TRPM3: variants seen among roughly 807,000 people sequenced by gnomAD.
TRPM3 encodes long transient receptor potential channel 3.
TRPM3 carries 77 observed loss-of-function variants against 181.2 expected under a neutral mutation model. That is an observed-to-expected ratio of 0.42 (90% CI 0.35 to 0.51). TRPM3 has a LOEUF of 0.51. TRPM3 is among the 20% of genes least tolerant of loss of function. The pLI is 0.01. For synonymous variants in TRPM3, 745 were observed against 796.4 expected, an observed-to-expected ratio of 0.94 and a Z score of 1.09; for missense variants, 1,759 against 2,196.7, an observed-to-expected ratio of 0.80 and a Z score of 3.98.
At chr9:70,938,048 T>C (rs1406376575) in intron 1 of TRPM3, among the ~76,000 whole-genome samples, 4 of 152,172 alleles carry the variant, frequency 2.6e-5, no homozygotes, top group Non-Finnish European at 5.9e-5. Context: ...TGCTAACCAT[T>C]TTTCAGGACT....
chr9:70,751,377 T>C (rs1357401887), intron 8 of TRPM3, among the ~76,000 whole-genome samples: 2 of 152,144 alleles, frequency 1.3e-5, no homozygotes, highest in South Asian at 2.1e-4. Flanking sequence ...CCAGGAAATA[T>C]AGCTAGTCTA....
chr9:70,808,209 T>C (rs2131355960), intron 6 of TRPM3, among the ~76,000 whole-genome samples: 1 of 152,314 alleles, frequency 6.6e-6, no homozygotes, highest in African/African-American at 2.4e-5. Flanking sequence ...ACAGTAAACA[T>C]TGCTGACTTT....
intron 1 of TRPM3, among the ~76,000 whole-genome samples, chr9:71,067,172 A>AGGAGGCAATT (rs2062038189): frequency 6.6e-6 from 1 of 152,230 alleles, no homozygotes; most frequent in South Asian, 2.1e-4. Context: ...AGACAAAACA[A>AGGAGGCAATT]GGAGGCAATT....
At chr9:70,840,443 C>T (rs538444659) in intron 5 of TRPM3, among the ~76,000 whole-genome samples, 12 of 152,202 alleles carry the variant, frequency 7.9e-5, no homozygotes, top group African/African-American at 2.2e-4. Flanking sequence ...TTTGCCTTTA[C>T]GAGACCCTCG....
intron 1 of TRPM3, among the ~76,000 whole-genome samples, chr9:71,345,652 T>G (rs1336624976): frequency 6.6e-6 from 1 of 152,042 alleles, no homozygotes; most frequent in Non-Finnish European, 1.5e-5. Context: ...GATGGGTTGA[T>G]GGGTGCAGCA....
chr9:70,919,801 T>A (rs981304254), intron 1 of TRPM3, among the ~76,000 whole-genome samples: 5 of 143,050 alleles, frequency 3.5e-5, no homozygotes, highest in Non-Finnish European at 6.2e-5. Context: ...AAAAAAAAAA[T>A]CTTCCATCCC....
rs1338176432 is a variant in TRPM3, at chr9:70,603,271, T to G, written c.2796+71A>C. 4.5e-6 allele frequency: 7 copies of G among 1,542,846 alleles called. No individual in the cohort carries two copies. The East Asian group carries it at 1.6e-4, about 35-fold the overall frequency. On this transcript the variant is annotated intron_variant, in intron 20 of 25. Transcript: ENST00000677713. Reference sequence around the variant, plus strand: ...TTAATTTGCATCCCAGGCATCTTCCTGTCCCCTCCATCCACAGATAGAACT... The same window carrying G: ...TTAATTTGCATCCCAGGCATCTTCCGGTCCCCTCCATCCACAGATAGAACT...
At chr9:71,089,765 A>G (rs1345600745) in intron 1 of TRPM3, among the ~76,000 whole-genome samples, 1 of 152,070 alleles carries the variant, frequency 6.6e-6, no homozygotes, top group African/African-American at 2.4e-5. Context: ...GAGGAAGGCC[A>G]CTCAGCGGAT....
In TRPM3 at chr9:71,042,006, C is replaced by T. The variant is rs912680795; in HGVS notation, c.177+79172G>A. ...TTCATGTGAGGTACTGTCCTAGATG[C>T]TAATCAATACATACACACACACAGA... On this transcript the variant is annotated intron_variant, in intron 1 of 25. Transcript: ENST00000677713. 7.9e-5 allele frequency among the ~76,000 whole-genome samples: 12 copies of T among 152,186 alleles called. No individual in the cohort carries two copies. In the East Asian group the frequency reaches 2.1e-3, roughly 27 times the overall value.
intron 1 of TRPM3, among the ~76,000 whole-genome samples, chr9:71,115,226 C>T (rs147943561): frequency 0.013 from 1,827 of 136,404 alleles, 28 homozygotes; most frequent in South Asian, 0.05. Context: ...CTTTTTTCAA[C>T]GTGGGGTCCT....
At chr9:71,084,824 A>G (rs2065005371) in intron 1 of TRPM3, among the ~76,000 whole-genome samples, 1 of 152,070 alleles carries the variant, frequency 6.6e-6, no homozygotes, top group South Asian at 2.1e-4. Context: ...CAGTGAAAGC[A>G]GTCCTAGGCA....
chr9:71,396,833 G>A (rs966215523), intron 1 of TRPM3, among the ~76,000 whole-genome samples: 7 of 151,898 alleles, frequency 4.6e-5, no homozygotes, highest in African/African-American at 1.5e-4. Flanking sequence ...AGGCATGGTG[G>A]CACGTGCCTG....
chr9:71,117,774 A>G (rs1244555410), intron 1 of TRPM3, among the ~76,000 whole-genome samples: 9 of 152,126 alleles, frequency 5.9e-5, no homozygotes, highest in African/African-American at 2.2e-4. Context: ...AAATGATACT[A>G]ATCATTTGGT....
intron 17 of TRPM3, among the ~76,000 whole-genome samples, chr9:70,617,301 A>G (rs2062938263): frequency 6.6e-6 from 1 of 152,028 alleles, no homozygotes; most frequent in Admixed American, 6.5e-5. Flanking sequence ...AGTGCCCATG[A>G]CCCACATCAC....
chr9:71,232,190 A>G (rs918909164), intron 1 of TRPM3, among the ~76,000 whole-genome samples: 1 of 152,154 alleles, frequency 6.6e-6, no homozygotes, highest in Non-Finnish European at 1.5e-5. Flanking sequence ...ACTAGAGGGA[A>G]TCTGAGCTTC....
chr9:70,946,057 C>T (rs949949829), intron 1 of TRPM3, among the ~76,000 whole-genome samples: 2 of 152,112 alleles, frequency 1.3e-5, no homozygotes, highest in East Asian at 3.9e-4. Context: ...GTGGATAGTA[C>T]AAATGATCAA....
At chr9:70,558,168 A>T (rs545681560) in intron 22 of TRPM3, among the ~76,000 whole-genome samples, 113 of 152,316 alleles carry the variant, frequency 7.4e-4, no homozygotes, top group African/African-American at 2.6e-3. Flanking sequence ...ACGTAAGGCT[A>T]CCAAGTAGAG....
intron 8 of TRPM3, among the ~76,000 whole-genome samples, chr9:70,700,487 C>G (rs1432959140): frequency 6.6e-6 from 1 of 152,126 alleles, no homozygotes; most frequent in African/African-American, 2.4e-5. Context: ...GTCTCTACTG[C>G]CCCCCTGCCC....
intron 1 of TRPM3, among the ~76,000 whole-genome samples, chr9:71,238,717 G>A (rs994124489): frequency 1.3e-5 from 2 of 152,110 alleles, no homozygotes; most frequent in Admixed American, 6.5e-5. Flanking sequence ...CCATGTGAAG[G>A]TTGTCAAGAA....
Sources: allele counts gnomAD v4.1 joint callset (sites outside exome capture counted in the v4.1 genomes callset), GRCh38; gene constraint gnomAD v4.1.1; transcripts MANE v1.5; gene names NCBI Gene and HGNC (gene_info 2026-07-23, HGNC 2026-07-21).